The following MUSK variants were observed in gnomAD, a reference collection of about 807,000 sequenced individuals.
MUSK encodes the protein muscle, skeletal receptor tyrosine-protein kinase.
A neutral mutation model predicts 88.7 loss-of-function variants in MUSK; 55 were observed. The ratio of observed to expected loss-of-function variants is 0.62; its 90% CI spans 0.50 to 0.78. MUSK has a LOEUF of 0.78. MUSK is among the 30% of genes least tolerant of loss of function. MUSK has a pLI of 0.00. For synonymous variants in MUSK, 387 were observed against 391.9 expected, an observed-to-expected ratio of 0.99 and a Z score of 0.15; for missense variants, 1,015 against 1,074.3, an observed-to-expected ratio of 0.94 and a Z score of 0.77.
At chr9:110,772,848 G>C (rs2077600808) in intron 9 of MUSK, among the ~76,000 whole-genome samples, 1 of 152,000 alleles carries the variant, frequency 6.6e-6, no homozygotes, top group Non-Finnish European at 1.5e-5. Flanking sequence ...TTTTGAAAAA[G>C]TCTCTACCTT....
intron 11 of MUSK, among the ~76,000 whole-genome samples, chr9:110,781,755 T>A (rs1019252456): frequency 1.3e-5 from 2 of 152,216 alleles, no homozygotes; most frequent in African/African-American, 4.8e-5. Context: ...TCTCCCTGTG[T>A]CCTCACATGG....
chr9:110,734,225 A>G lies in MUSK; in HGVS notation c.629-26A>G, dbSNP rs2077000081. The G allele has an allele frequency of 2.5e-6, 4 of 1,598,398 alleles. No individual in the cohort carries two copies. The African/African-American group carries it at 5.4e-5, about 21-fold the overall frequency. ...CTTGACCATTTCCTGCAGGAGCGTCACTCACCACTTCTGTCTTCCTAACAG... is the reference window on the plus strand; with the variant it reads ...CTTGACCATTTCCTGCAGGAGCGTCGCTCACCACTTCTGTCTTCCTAACAG... On this transcript the variant is annotated intron_variant, in intron 5 of 14. Coordinates refer to ENST00000374448, the MANE Select transcript of MUSK (RefSeq NM_005592.4).
intron 3 of MUSK, among the ~76,000 whole-genome samples, chr9:110,688,870 G>C (rs528164466): frequency 9.4e-5 from 14 of 149,508 alleles, no homozygotes; most frequent in African/African-American, 3.2e-4. Flanking sequence ...ATCATTAATG[G>C]GCATTTAGGT....
At chr9:110,752,575 C>G (rs897456716) in intron 7 of MUSK, among the ~76,000 whole-genome samples, 1 of 152,236 alleles carries the variant, frequency 6.6e-6, no homozygotes, top group Admixed American at 6.5e-5. Flanking sequence ...TCTCCATCCT[C>G]CCCTATGTGA....
At chr9:110,710,786 G>A (rs538706474) in intron 5 of MUSK, among the ~76,000 whole-genome samples, 1 of 152,068 alleles carries the variant, frequency 6.6e-6, no homozygotes, top group Admixed American at 6.5e-5. Context: ...TGTGTATCCT[G>A]AGCTTATATC....
chr9:110,676,787 T>C (rs1374831927), intron 1 of MUSK, among the ~76,000 whole-genome samples: 1 of 152,216 alleles, frequency 6.6e-6, no homozygotes, highest in African/African-American at 2.4e-5. Flanking sequence ...ATTTTCTTTA[T>C]CCAGTCTATC....
intron 5 of MUSK, among the ~76,000 whole-genome samples, chr9:110,733,475 A>G (rs895254050): frequency 6.6e-6 from 1 of 152,080 alleles, no homozygotes; most frequent in African/African-American, 2.4e-5. Context: ...ATTTCTTCCT[A>G]CATCAAAATA....
chr9:110,740,655 T>C (rs1037397939), intron 6 of MUSK, among the ~76,000 whole-genome samples: 22 of 152,132 alleles, frequency 1.4e-4, no homozygotes, highest in Admixed American at 1.1e-3. Context: ...TGGCATACTG[T>C]AGGCTTTAGA....
chr9:110,754,963 G>A (rs2077292760), intron 7 of MUSK, among the ~76,000 whole-genome samples: 1 of 152,024 alleles, frequency 6.6e-6, no homozygotes, highest in African/African-American at 2.4e-5. Context: ...TGACATCATT[G>A]GCATCACCTC....
chr9:110,689,472 T>G lies in MUSK; in HGVS notation c.358+2204T>G, dbSNP rs550141394. ...TAAAAAATACATATTTATATATATG[T>G]AAAAAATATAAAAATATGTAAAAAA... is the stretch of plus-strand genomic sequence containing the variant. On this transcript the variant is annotated intron_variant, in intron 3 of 14. Coordinates refer to ENST00000374448, the MANE Select transcript of MUSK (RefSeq NM_005592.4). Among the ~76,000 whole-genome samples, 59 of 109,836 alleles carry G rather than the reference T, an allele frequency of 5.4e-4. 2 individuals are homozygous for G. The highest frequency in any genetic ancestry group is 0.012 in the Middle Eastern group (1 of 82). The allele number at this position is 109,836 out of a possible 152,430, so 72.1% of individuals were successfully genotyped here.
intron 6 of MUSK, among the ~76,000 whole-genome samples, chr9:110,743,471 A>G (rs2077129947): frequency 6.6e-6 from 1 of 152,236 alleles, no homozygotes; most frequent in African/African-American, 2.4e-5. Flanking sequence ...ATTTATTTAT[A>G]GTTATACCAG....
intron 1 of MUSK, among the ~76,000 whole-genome samples, chr9:110,677,215 G>T (rs534976110): frequency 2.0e-5 from 3 of 152,194 alleles, no homozygotes; most frequent in African/African-American, 7.2e-5. Flanking sequence ...GCACCATGCA[G>T]CCCCTTTCTT....
intron 5 of MUSK, among the ~76,000 whole-genome samples, chr9:110,702,550 G>A (rs1257277301): frequency 6.6e-6 from 1 of 152,084 alleles, no homozygotes; most frequent in African/African-American, 2.4e-5. Flanking sequence ...AGCTTCCATA[G>A]GCTTGATATT....
chr9:110,785,812 TTA>T (rs1391668173), intron 13 of MUSK, 94 bp downstream of exon 13: 190 of 722,704 alleles, frequency 2.6e-4, no homozygotes, highest in South Asian at 4.6e-4. Flanking sequence ...AATATTAGCT[TTA>T]TATATATATA....
intron 8 of MUSK, among the ~76,000 whole-genome samples, chr9:110,763,232 T>A (rs1342568273): frequency 6.6e-6 from 1 of 152,148 alleles, no homozygotes; most frequent in African/African-American, 2.4e-5. Context: ...GTTTTAAGTA[T>A]ATAGGATAGT....
At chr9:110,705,372 A>T (rs2076585103) in intron 5 of MUSK, among the ~76,000 whole-genome samples, 2 of 152,156 alleles carry the variant, frequency 1.3e-5, no homozygotes, top group South Asian at 4.1e-4. Context: ...CCATTTCTTT[A>T]GGGAAGGAAT....
chr9:110,722,953 A>T lies in MUSK; in HGVS notation c.629-11298A>T, dbSNP rs10980542. ...GTTGGGAACGTAAACTAGTACAACC[A>T]CTATGGAAAACAGTGTGGTGATTCT... is the stretch of plus-strand genomic sequence containing the variant. On this transcript the variant is annotated intron_variant, in intron 5 of 14. Transcript: ENST00000374448. 1.2e-3 allele frequency among the ~76,000 whole-genome samples: 190 copies of T among 152,250 alleles called. 1 individual carries two copies. In the East Asian group the frequency reaches 0.033, roughly 26 times the overall value.
chr9:110,757,534 G>A (rs2077342587), intron 7 of MUSK, among the ~76,000 whole-genome samples: 1 of 149,554 alleles, frequency 6.7e-6, no homozygotes, highest in South Asian at 2.1e-4. Flanking sequence ...ACTAATTTTT[G>A]TATTGCTAAT....
chr9:110,725,567 A>T (rs1335877824), intron 5 of MUSK, among the ~76,000 whole-genome samples: 3 of 152,058 alleles, frequency 2.0e-5, no homozygotes, highest in African/African-American at 7.2e-5. Context: ...GTCATTGATT[A>T]TTCTAAATAC....
Sources: gnomAD v4.1 joint callset for allele counts (sites outside exome capture counted in the v4.1 genomes callset) on GRCh38, gnomAD v4.1.1 for gene constraint, MANE v1.5 for transcripts, NCBI Gene and HGNC (gene_info 2026-07-23, HGNC 2026-07-21) for gene names.